Variants in RABGAP1L observed in about 807,000 individuals in gnomAD.
The protein encoded by RABGAP1L is RAB GTPase activating protein 1 like.
Under a neutral mutation model 137.7 loss-of-function variants are expected in RABGAP1L, and 63 were observed. The ratio of observed to expected loss-of-function variants is 0.46; its 90% CI spans 0.37 to 0.56. The LOEUF (loss-of-function observed/expected upper bound fraction) is 0.56, where lower values mean the gene tolerates loss of function less well. Among genes scored for constraint, RABGAP1L ranks in the 20% least tolerant of loss-of-function variants. The probability of loss-of-function intolerance (pLI) is 0.00; values close to 1 mark genes in which losing one functional copy is unlikely to be tolerated. For missense variants in RABGAP1L, 1,095 were observed against 1,244.0 expected (o/e 0.88, Z 1.80); for synonymous variants, 431 against 433.7 (o/e 0.99, Z 0.08).
At chr1:174,399,993 T>C (rs79239701) in intron 13 of RABGAP1L, among the ~76,000 whole-genome samples, 3,061 of 152,204 alleles carry the variant, frequency 0.02, 108 homozygotes, top group African/African-American at 0.071. Context: ...CATGAAAAAG[T>C]AGTCTACCAT....
At chr1:174,371,173 T>C (rs1301827720) in intron 12 of RABGAP1L, 101 bp downstream of exon 12, 8 of 509,682 alleles carry the variant, frequency 1.6e-5, no homozygotes, top group Non-Finnish European at 2.6e-5. Context: ...AAAGGATTAA[T>C]ATTAAAATCT....
chr1:174,574,984 G>A (rs1043102508), intron 13 of RABGAP1L, among the ~76,000 whole-genome samples: 4 of 152,210 alleles, frequency 2.6e-5, no homozygotes, highest in African/African-American at 7.2e-5. Flanking sequence ...AGACTGGAGT[G>A]CAATGGCACA....
Position 174,571,940 on chromosome 1 carries a change from C to T in RABGAP1L, c.1711-65435C>T, listed in dbSNP as rs188816865. 2.7e-3 allele frequency among the ~76,000 whole-genome samples: 404 copies of T among 152,154 alleles called. 6 individuals carry two copies. Among genetic ancestry groups the T allele is most frequent in the African/African-American group, 9.2e-3 (381 of 41,518 alleles). ...CCCAAATACTCAAGTTTAAGTTATCCTAAATCTTTCTTTAGGAACGCCTCA... is the reference window on the plus strand; with the variant it reads ...CCCAAATACTCAAGTTTAAGTTATCTTAAATCTTTCTTTAGGAACGCCTCA... On this transcript the variant is annotated intron_variant, in intron 13 of 25. Coordinates refer to ENST00000681986, the MANE Select transcript of RABGAP1L (RefSeq NM_001366446.1).
intron 14 of RABGAP1L, among the ~76,000 whole-genome samples, chr1:174,638,519 A>C (rs994416156): frequency 6.6e-6 from 1 of 151,346 alleles, no homozygotes; most frequent in Non-Finnish European, 1.5e-5. Flanking sequence ...CATTTGACCC[A>C]GCCATCCCAT....
chr1:174,297,595 A>G lies in RABGAP1L; in HGVS notation c.1324-7391A>G, dbSNP rs149643505. The stretch of plus-strand genomic sequence containing the variant: ...TCTAACTGCTGTTAGATTAAGGATA[A>G]GGACTAAGACCGATCTTAACTGCTT... On this transcript the variant is annotated intron_variant, in intron 10 of 25. Transcript: ENST00000681986. Among the ~76,000 whole-genome samples, 29 of 152,260 alleles carry G rather than the reference A, an allele frequency of 1.9e-4. 1 individual carries two copies. The highest frequency in any genetic ancestry group is 6.7e-4 in the African/African-American group (28 of 41,554).
intron 19 of RABGAP1L, among the ~76,000 whole-genome samples, chr1:174,902,038 T>C (rs2149161977): frequency 6.6e-6 from 1 of 152,210 alleles, no homozygotes; most frequent in African/African-American, 2.4e-5. Context: ...AAAGCAAAGG[T>C]GGCAGCTAGC....
chr1:174,615,166 G>A (rs572272551), intron 13 of RABGAP1L, among the ~76,000 whole-genome samples: 4 of 152,118 alleles, frequency 2.6e-5, no homozygotes, highest in African/African-American at 9.7e-5. Context: ...GCTTTTTACA[G>A]TTTCCAGTTT....
rs539385511 is a variant in RABGAP1L at position 174,473,387 on chromosome 1, T to G, written c.1710+79242T>G. Reference sequence around the variant, plus strand: ...GGTTCAAAGAGATTTTTAAAGCATCTTATTTTCTTGATTTTGGTATAGCAT... The same window carrying G: ...GGTTCAAAGAGATTTTTAAAGCATCGTATTTTCTTGATTTTGGTATAGCAT... On this transcript the variant is annotated intron_variant, in intron 13 of 25. Transcript: ENST00000681986. Among the ~76,000 whole-genome samples the G allele has an allele frequency of 2.0e-5, 3 of 152,274 alleles. No homozygotes were observed. In the South Asian group the frequency reaches 6.2e-4, roughly 32 times the overall value.
chr1:174,759,388 A>C (rs1573059123), intron 18 of RABGAP1L, among the ~76,000 whole-genome samples: 1 of 151,208 alleles, frequency 6.6e-6, no homozygotes, highest in South Asian at 2.1e-4. Context: ...GGAGGTCAGG[A>C]GTTAGAGACC....
At chr1:174,244,735 T>C (rs1168485313) in intron 5 of RABGAP1L, 1 of 152,258 alleles carries the variant, frequency 6.6e-6, no homozygotes, top group Non-Finnish European at 1.5e-5. Flanking sequence ...GCACCTGTTC[T>C]TGTCACATCT....
At chr1:174,988,273 A>C (rs946754217) in intron 24 of RABGAP1L, among the ~76,000 whole-genome samples, 2 of 152,192 alleles carry the variant, frequency 1.3e-5, no homozygotes, top group African/African-American at 4.8e-5. Flanking sequence ...GAGGATGATG[A>C]TAGTGCTTAC....
chr1:174,750,029 C>T (rs943743834), intron 17 of RABGAP1L, among the ~76,000 whole-genome samples: 4 of 152,002 alleles, frequency 2.6e-5, no homozygotes, highest in African/African-American at 7.3e-5. Context: ...GCCACCACGC[C>T]CGGCTAATTT....
intron 18 of RABGAP1L, among the ~76,000 whole-genome samples, chr1:174,755,677 G>A (rs1464729266): frequency 2.0e-5 from 3 of 152,126 alleles, no homozygotes; most frequent in African/African-American, 7.2e-5. Flanking sequence ...GGTTATATAA[G>A]TATGCATTAC....
At chr1:174,807,242 C>T (rs1041810959) in intron 18 of RABGAP1L, among the ~76,000 whole-genome samples, 2 of 151,860 alleles carry the variant, frequency 1.3e-5, no homozygotes, top group Non-Finnish European at 2.9e-5. Context: ...TTATATTAGG[C>T]TTTTAAAAAA....
At chr1:174,749,067 A>G (rs751294072) in intron 17 of RABGAP1L, among the ~76,000 whole-genome samples, 4 of 151,372 alleles carry the variant, frequency 2.6e-5, no homozygotes, top group Non-Finnish European at 5.9e-5. Flanking sequence ...CCCCAGCTAC[A>G]TGGGAGGCTG....
intron 11 of RABGAP1L, among the ~76,000 whole-genome samples, chr1:174,317,082 C>T (rs949649882): frequency 4.0e-5 from 6 of 151,870 alleles, no homozygotes; most frequent in Admixed American, 3.3e-4. Flanking sequence ...GAAGTGCTGT[C>T]CAAGAGTCAA....
intron 18 of RABGAP1L, chr1:174,799,997 T>A (rs986745794): frequency 3.7e-6 from 4 of 1,084,638 alleles, no homozygotes; most frequent in African/African-American, 1.7e-5. Context: ...CATTCTCACA[T>A]GCTAGACCCT....
chr1:174,948,955 C>T (rs531651671), intron 19 of RABGAP1L: 1 of 152,130 alleles, frequency 6.6e-6, no homozygotes, highest in South Asian at 2.1e-4. Context: ...ACCTGTACTA[C>T]AATAAGCACA....
At chr1:174,446,787 AT>A (rs1381667646) in intron 13 of RABGAP1L, among the ~76,000 whole-genome samples, 1 of 152,218 alleles carries the variant, frequency 6.6e-6, no homozygotes, top group Non-Finnish European at 1.5e-5. Context: ...AAACAAGGTA[AT>A]TTTCCACTTT....
Sources: allele counts gnomAD v4.1 joint callset (sites outside exome capture counted in the v4.1 genomes callset), GRCh38; gene constraint gnomAD v4.1.1; transcripts MANE v1.5; gene names NCBI Gene and HGNC (gene_info 2026-07-23, HGNC 2026-07-21).